MRPS27: variants seen among roughly 807,000 people sequenced by gnomAD.
MRPS27 encodes mitochondrial ribosomal protein S27, also known as small ribosomal subunit protein mS27.
In MRPS27, 43 loss-of-function variants were observed where a neutral mutation model predicts 48.9. The ratio of observed to expected loss-of-function variants is 0.88; its 90% CI spans 0.69 to 1.13. The LOEUF (loss-of-function observed/expected upper bound fraction) is 1.13. MRPS27 is among the 50% of genes most tolerant of loss of function. The pLI is 0.00. For synonymous variants in MRPS27, 188 were observed against 171.9 expected (o/e 1.09, Z -0.73); for missense variants, 467 against 476.3 (o/e 0.98, Z 0.18).
intron 2 of MRPS27, among the ~76,000 whole-genome samples, chr5:72,304,241 C>T (rs1750198374): frequency 6.7e-6 from 1 of 149,506 alleles, no homozygotes; most frequent in African/African-American, 2.5e-5. Context: ...GGGAAAAAAA[C>T]GTAAAAAACA....
intron 4 of MRPS27, among the ~76,000 whole-genome samples, chr5:72,285,766 C>A (rs373486649): frequency 6.6e-6 from 1 of 152,218 alleles, no homozygotes; most frequent in Non-Finnish European, 1.5e-5. Flanking sequence ...TTCAAGGGAT[C>A]TTTCCACCTC....
intron 4 of MRPS27, among the ~76,000 whole-genome samples, chr5:72,265,135 C>T (rs572866084): frequency 2.6e-5 from 4 of 152,274 alleles, no homozygotes; most frequent in Admixed American, 6.5e-5. Context: ...TTTTTAAGGA[C>T]CTTTGCTAAT....
At chr5:72,319,916 C>A in intron 1 of MRPS27, 1 of 554,276 alleles carries the variant, frequency 1.8e-6, no homozygotes, top group Admixed American at 3.3e-5. Flanking sequence ...CGCAAATTCC[C>A]TCATGCTATA....
At chr5:72,222,251 G>C (rs1183991987) in intron 10 of MRPS27, among the ~76,000 whole-genome samples, 1 of 152,336 alleles carries the variant, frequency 6.6e-6, no homozygotes, top group East Asian at 1.9e-4. Flanking sequence ...AGGCCAACAA[G>C]ACAGCTTGGG....
rs576730813 is a variant in MRPS27, at chr5:72,309,829, A to G, written c.151+4252T>C. Among the ~76,000 whole-genome samples, 10 of 152,350 alleles carry G rather than the reference A, an allele frequency of 6.6e-5. No individual in the cohort carries two copies. The South Asian group carries it at 2.1e-3, about 32-fold the overall frequency. On this transcript the variant is annotated intron_variant, in intron 2 of 10. Coordinates refer to ENST00000261413, the MANE Select transcript of MRPS27 (RefSeq NM_015084.3). ...CGCCTTGCTGTATAACTATGAGTCC[A>G]TACTGGTCTGATCACTAGAACAGTA...
intron 4 of MRPS27, among the ~76,000 whole-genome samples, chr5:72,267,698 C>G (rs866371280): frequency 6.6e-6 from 1 of 152,176 alleles, no homozygotes; most frequent in South Asian, 2.1e-4. Flanking sequence ...GTTGGTGGTT[C>G]TCCAGAAATA....
At position 72,232,179 on chromosome 5, in the gene MRPS27, A is replaced by G. The variant is rs182648317; in HGVS notation, c.591+264T>C. On this transcript the variant is annotated intron_variant, in intron 7 of 10. Transcript: ENST00000261413. ...CATGTCCAGCTCTCAGTGACTACCA[A>G]TGACCCATTTCTGAATGTCTGAGGT... Among the ~76,000 whole-genome samples, 6 of 152,282 alleles carry G rather than the reference A, an allele frequency of 3.9e-5. No homozygotes were observed. In the East Asian group the frequency reaches 1.2e-3, roughly 29 times the overall value.
intron 4 of MRPS27, among the ~76,000 whole-genome samples, chr5:72,272,865 T>C (rs1327557021): frequency 1.3e-5 from 2 of 152,148 alleles, no homozygotes; most frequent in Non-Finnish European, 2.9e-5. Flanking sequence ...CTGGTATAAA[T>C]GAAACAAAGA....
At chr5:72,267,189 T>A (rs1021433842) in intron 4 of MRPS27, among the ~76,000 whole-genome samples, 2 of 152,080 alleles carry the variant, frequency 1.3e-5, no homozygotes, top group Non-Finnish European at 2.9e-5. Flanking sequence ...CTATACGGAG[T>A]CTTCCAATTC....
chr5:72,221,195 G>A (rs762459098), intron 10 of MRPS27, 47 bp from the exon 11 acceptor site: 9 of 1,595,920 alleles, frequency 5.6e-6, no homozygotes, highest in South Asian at 2.3e-5. Context: ...AGAGAAGTGA[G>A]AGAAAGATAC....
At chr5:72,250,476 C>T (rs1748635971) in intron 4 of MRPS27, among the ~76,000 whole-genome samples, 1 of 152,266 alleles carries the variant, frequency 6.6e-6, no homozygotes, top group Middle Eastern at 3.4e-3. Context: ...TTACTGTTAT[C>T]ACAGACATGA....
intron 2 of MRPS27, among the ~76,000 whole-genome samples, chr5:72,303,210 C>T (rs1750168000): frequency 6.6e-6 from 1 of 152,144 alleles, no homozygotes; most frequent in African/African-American, 2.4e-5. Flanking sequence ...ATGGAGATGA[C>T]TTTATGGACA....
At chr5:72,301,649 G>T (rs1391301328) in intron 2 of MRPS27, among the ~76,000 whole-genome samples, 1 of 152,188 alleles carries the variant, frequency 6.6e-6, no homozygotes, top group Non-Finnish European at 1.5e-5. Context: ...TGAATCCTTC[G>T]CACCAAGGCA....
intron 4 of MRPS27, among the ~76,000 whole-genome samples, chr5:72,262,118 A>C (rs1339958985): frequency 4.6e-5 from 7 of 152,218 alleles, no homozygotes; most frequent in African/African-American, 1.7e-4. Flanking sequence ...ACAGTATGGC[A>C]TACTAGTGAA....
At chr5:72,271,586 C>T (rs537405064) in intron 4 of MRPS27, among the ~76,000 whole-genome samples, 1 of 152,050 alleles carries the variant, frequency 6.6e-6, no homozygotes, top group Non-Finnish European at 1.5e-5. Flanking sequence ...AATGTGTGAT[C>T]CTGGTTTGGA....
chr5:72,280,899 G>C (rs1011869175), intron 4 of MRPS27, among the ~76,000 whole-genome samples: 2 of 152,192 alleles, frequency 1.3e-5, no homozygotes, highest in African/African-American at 4.8e-5. Context: ...GTTTGTGGCT[G>C]TAAGCTTAGC....
intron 4 of MRPS27, among the ~76,000 whole-genome samples, chr5:72,270,009 A>G (rs1749194842): frequency 6.6e-6 from 1 of 152,050 alleles, no homozygotes; most frequent in Non-Finnish European, 1.5e-5. Context: ...CCTGGCCAAC[A>G]TGGTGAAATC....
Position 72,241,465 on chromosome 5 carries a change from A to G in MRPS27, c.282-3337T>C. On this transcript the variant is annotated intron_variant, in intron 4 of 10. Coordinates refer to ENST00000261413, the MANE Select transcript of MRPS27 (RefSeq NM_015084.3). ...AGCATTAAAAAGATAAACTTACGTGAGTGGCTATCTGGAATATAAACAAGT... is the reference window on the plus strand; with the variant it reads ...AGCATTAAAAAGATAAACTTACGTGGGTGGCTATCTGGAATATAAACAAGT... 1.2e-5 allele frequency: 7 copies of G among 579,762 alleles called. No individual in the cohort carries two copies. The South Asian group carries it at 1.6e-4, about 13-fold the overall frequency. The allele number at this position is 579,762 out of a possible 1,614,324, so 35.9% of individuals were successfully genotyped here.
chr5:72,225,135 C>T (rs1218993902), intron 9 of MRPS27, among the ~76,000 whole-genome samples: 1 of 152,176 alleles, frequency 6.6e-6, no homozygotes, highest in Non-Finnish European at 1.5e-5. Context: ...CCAGTACTGA[C>T]TACAGCAGGG....
Sources: gnomAD v4.1 joint callset for allele counts (sites outside exome capture counted in the v4.1 genomes callset) on GRCh38, gnomAD v4.1.1 for gene constraint, MANE v1.5 for transcripts, NCBI Gene and HGNC (gene_info 2026-07-23, HGNC 2026-07-21) for gene names.